Variants in KIAA0825 observed in about 807,000 individuals in gnomAD.
KIAA0825 encodes KIAA0825, also known as uncharacterized protein KIAA0825.
In KIAA0825, 119 loss-of-function variants were observed where a neutral mutation model predicts 147.6. The observed-to-expected ratio is 0.81, with a 90% CI of 0.69 to 0.94. KIAA0825 has a LOEUF of 0.94. Ranked by LOEUF, KIAA0825 falls within the 40% of genes least tolerant of loss-of-function variation. The pLI, the probability that KIAA0825 is intolerant of heterozygous loss-of-function variation, is 0.00. For synonymous variants in KIAA0825, 470 were observed against 518.1 expected, an observed-to-expected ratio of 0.91 and a Z score of 1.26; for missense variants, 1,381 against 1,472.7, an observed-to-expected ratio of 0.94 and a Z score of 1.02.
chr5:94,503,454 G>A (rs766931029), intron 5 of KIAA0825, among the ~76,000 whole-genome samples: 12 of 152,158 alleles, frequency 7.9e-5, no homozygotes, highest in Non-Finnish European at 1.5e-4. Context: ...TTTTGGAAGT[G>A]AATCCACTTC....
chr5:94,375,732 G>C (rs1747463632), intron 20 of KIAA0825, among the ~76,000 whole-genome samples: 1 of 152,214 alleles, frequency 6.6e-6, no homozygotes, highest in South Asian at 2.1e-4. Context: ...ATGGTGGAAA[G>C]TCAGCAGGAG....
chr5:94,451,557 G>T (rs774399495), intron 13 of KIAA0825, among the ~76,000 whole-genome samples: 1 of 152,178 alleles, frequency 6.6e-6, no homozygotes, highest in Non-Finnish European at 1.5e-5. Flanking sequence ...AATGGAGATT[G>T]ATTGCTAAAC....
chr5:94,536,218 A>G (rs1771981809), intron 3 of KIAA0825, among the ~76,000 whole-genome samples: 1 of 152,138 alleles, frequency 6.6e-6, no homozygotes, highest in South Asian at 2.1e-4. Context: ...CGTAAAGCAG[A>G]AGGAAAAATA....
intron 1 of KIAA0825, among the ~76,000 whole-genome samples, chr5:94,605,718 C>T (rs998236782): frequency 1.3e-5 from 2 of 152,148 alleles, no homozygotes; most frequent in East Asian, 1.9e-4. Context: ...TTCAACATCC[C>T]TTCATGTTAA....
intron 20 of KIAA0825, among the ~76,000 whole-genome samples, chr5:94,250,675 C>T (rs1040557261): frequency 7.9e-5 from 12 of 152,082 alleles, no homozygotes; most frequent in Admixed American, 6.6e-5. Flanking sequence ...TAAGACTTGA[C>T]TTTGCTTTTC....
Position 94,151,818 on chromosome 5 carries a change from A to C in KIAA0825, c.*2189T>G, listed in dbSNP as rs1043510147. On this transcript the variant is annotated 3_prime_UTR_variant, in exon 21 of 21. Coordinates refer to ENST00000682413, the MANE Select transcript of KIAA0825 (RefSeq NM_001145678.3). ...ATCCTGTAATTTTATAAGATGTTGT[A>C]TCTAGTTTATTGGATTAATTTATTT... 6.6e-6 allele frequency among the ~76,000 whole-genome samples: 1 copy of C among 152,214 alleles called. No homozygotes were observed. Among genetic ancestry groups the C allele is most frequent in the East Asian group, 1.9e-4 (1 of 5,198 alleles).
intron 20 of KIAA0825, among the ~76,000 whole-genome samples, chr5:94,325,166 G>A (rs1187350130): frequency 1.3e-5 from 2 of 151,872 alleles, no homozygotes; most frequent in Non-Finnish European, 2.9e-5. Flanking sequence ...CAAATTAAAG[G>A]TTAAATATAC....
chr5:94,327,728 C>A (rs1287319508), intron 20 of KIAA0825, among the ~76,000 whole-genome samples: 1 of 152,052 alleles, frequency 6.6e-6, no homozygotes, highest in East Asian at 1.9e-4. Flanking sequence ...ATGTTTTTGG[C>A]TGGGTGCGGT....
chr5:94,253,884 T>C (rs933022233), intron 20 of KIAA0825, among the ~76,000 whole-genome samples: 2 of 152,112 alleles, frequency 1.3e-5, no homozygotes, highest in Non-Finnish European at 2.9e-5. Flanking sequence ...ATTTAGTACT[T>C]AGGACTGTTT....
chr5:94,279,784 A>C (rs1777379393), intron 20 of KIAA0825, among the ~76,000 whole-genome samples: 1 of 152,144 alleles, frequency 6.6e-6, no homozygotes, highest in Non-Finnish European at 1.5e-5. Context: ...TCTTTATAGG[A>C]GGACCACCAC....
At chr5:94,421,348 C>T (rs999616431) in intron 14 of KIAA0825, among the ~76,000 whole-genome samples, 2 of 152,232 alleles carry the variant, frequency 1.3e-5, no homozygotes, top group African/African-American at 4.8e-5. Context: ...CTGCTTTTTA[C>T]CTGGCTTAGC....
intron 20 of KIAA0825, among the ~76,000 whole-genome samples, chr5:94,211,200 G>A (rs1772675991): frequency 6.6e-6 from 1 of 152,090 alleles, no homozygotes. Flanking sequence ...CACTATTAGT[G>A]TAGTTTCATG....
At chr5:94,262,396 A>T (rs1562339431) in intron 20 of KIAA0825, among the ~76,000 whole-genome samples, 2 of 152,144 alleles carry the variant, frequency 1.3e-5, no homozygotes, top group Non-Finnish European at 2.9e-5. Context: ...TTATCTATAT[A>T]AAAATTTAAA....
chr5:94,151,000 T>C lies in KIAA0825; in HGVS notation c.*3007A>G, dbSNP rs1766437106. On this transcript the variant is annotated 3_prime_UTR_variant, in exon 21 of 21. Coordinates refer to ENST00000682413, the MANE Select transcript of KIAA0825 (RefSeq NM_001145678.3). ...AACACAGAAGGAAGATCATACTTTA[T>C]AGGAAGATAATATTTTTGTAATAAG... Among the ~76,000 whole-genome samples the C allele has an allele frequency of 7.2e-5, 11 of 152,306 alleles. No individual in the cohort carries two copies. The South Asian group carries it at 2.3e-3, about 32-fold the overall frequency.
At chr5:94,366,784 C>A (rs2150430718) in intron 20 of KIAA0825, among the ~76,000 whole-genome samples, 1 of 152,290 alleles carries the variant, frequency 6.6e-6, no homozygotes, top group East Asian at 1.9e-4. Flanking sequence ...ATTTTTACTT[C>A]TTGCAGAAAG....
intron 20 of KIAA0825, among the ~76,000 whole-genome samples, chr5:94,343,571 C>G (rs1488663706): frequency 6.6e-6 from 1 of 152,056 alleles, no homozygotes; most frequent in Non-Finnish European, 1.5e-5. Flanking sequence ...CGCCTGTAGT[C>G]CCAGCTACTG....
intron 5 of KIAA0825, among the ~76,000 whole-genome samples, chr5:94,515,858 G>A (rs189709597): frequency 2.6e-5 from 4 of 151,580 alleles, no homozygotes; most frequent in Admixed American, 2.0e-4. Context: ...TTCAGAAAGC[G>A]TTGCTTTGTA....
Position 94,153,445 on chromosome 5 carries a change from C to T in KIAA0825, c.*562G>A, listed in dbSNP as rs1291997208. 1.3e-5 allele frequency: 2 copies of T among 151,924 alleles called. No homozygotes were observed. The highest frequency in any genetic ancestry group is 3.9e-4 in the East Asian group (2 of 5,174). The allele number at this position is 151,924 out of a possible 1,614,324, so 9.4% of individuals were successfully genotyped here. On this transcript the variant is annotated 3_prime_UTR_variant, in exon 21 of 21. Coordinates refer to ENST00000682413, the MANE Select transcript of KIAA0825 (RefSeq NM_001145678.3). ...CTGGTTTAGGAGGAAGACTGAAAAC[C>T]ACTACAAGCAGAGGTGTGACTAAAG...
rs1766746102 is a variant in KIAA0825, at chr5:94,153,415, T to TGATTCTGGTTTAGGAGGAAGACTGC, written c.*591_*592insGCAGTCTTCCTCCTAAACCAGAATC. 1 of 152,020 alleles carries TGATTCTGGTTTAGGAGGAAGACTGC rather than the reference T, an allele frequency of 6.6e-6. No individual in the cohort carries two copies. Among genetic ancestry groups the TGATTCTGGTTTAGGAGGAAGACTGC allele is most frequent in the Non-Finnish European group, 1.5e-5 (1 of 68,018 alleles). The allele number at this position is 152,020 out of a possible 1,614,324, so 9.4% of individuals were successfully genotyped here. On this transcript the variant is annotated 3_prime_UTR_variant, in exon 21 of 21. Transcript: ENST00000682413. ...ACCTGAATATGTATGAGTAGAAATT[T>TGATTCTGGTTTAGGAGGAAGACTGC]GATTCTGGTTTAGGAGGAAGACTGA... is the stretch of plus-strand genomic sequence containing the variant.
Sources: allele counts gnomAD v4.1 joint callset (sites outside exome capture counted in the v4.1 genomes callset), GRCh38; gene constraint gnomAD v4.1.1; transcripts MANE v1.5; gene names NCBI Gene and HGNC (gene_info 2026-07-23, HGNC 2026-07-21).